RTL4: variants seen among roughly 807,000 people sequenced by gnomAD.
RTL4 encodes retrotransposon Gag-like protein 4.
A neutral mutation model predicts 5.3 loss-of-function variants in RTL4; 4 were observed. That is an observed-to-expected ratio of 0.75 (90% CI 0.37 to 1.72). RTL4 has a LOEUF of 1.72. RTL4 is among the 40% of genes most tolerant of loss of function. The pLI, the probability that RTL4 is intolerant of heterozygous loss-of-function variation, is 0.04. For synonymous variants in RTL4, 98 were observed against 87.3 expected (o/e 1.12, Z -0.68); for missense variants, 260 against 227.1 (o/e 1.14, Z -0.93).
chrX:112,227,376 G>A, the RTL4 span, among the ~76,000 whole-genome samples: 2 of 111,617 alleles, frequency 1.8e-5, no homozygotes, highest in African/African-American at 6.5e-5. Context: ...ATGGCAGCCA[G>A]CCTCAATGGG....
chrX:112,112,741 G>A, the RTL4 span, among the ~76,000 whole-genome samples: 1 of 111,834 alleles, frequency 8.9e-6, no homozygotes, highest in Non-Finnish European at 1.9e-5. Flanking sequence ...TCTTGGGCCA[G>A]TGCCTGACCA....
the RTL4 span, among the ~76,000 whole-genome samples, chrX:112,222,316 C>A: frequency 9.0e-6 from 1 of 111,382 alleles, no homozygotes; most frequent in Non-Finnish European, 1.9e-5. Context: ...GATATACATT[C>A]TAAAGTCTGG....
chrX:112,455,534 C>A (rs943591471), exon 1 of RTL4: 14 of 1,211,454 alleles, frequency 1.2e-5, no homozygotes, highest in Non-Finnish European at 1.5e-5. Context: ...CTCACCCCAG[C>A]CAAACGAGCC....
chrX:112,156,495 A>T, the RTL4 span, among the ~76,000 whole-genome samples: 1 of 112,160 alleles, frequency 8.9e-6, no homozygotes, highest in African/African-American at 3.2e-5. Flanking sequence ...AAACACAGGA[A>T]ACTGAAAGCA....
the RTL4 span, among the ~76,000 whole-genome samples, chrX:112,348,360 CTTAAT>C: frequency 9.5e-6 from 1 of 104,925 alleles, no homozygotes; most frequent in East Asian, 2.9e-4. Context: ...AAGGAATAAT[CTTAAT>C]TTGTGTTTTT....
chrX:112,341,038 C>T, the RTL4 span, among the ~76,000 whole-genome samples: 1 of 110,756 alleles, frequency 9.0e-6, no homozygotes, highest in Non-Finnish European at 1.9e-5. Flanking sequence ...ATTTTGAACA[C>T]GACTAATTAA....
At chrX:112,437,572 A>T in the RTL4 span, among the ~76,000 whole-genome samples, 1 of 111,269 alleles carries the variant, frequency 9.0e-6, no homozygotes, top group Non-Finnish European at 1.9e-5. Context: ...TAATAAAAAT[A>T]GTTTAAAAAA....
the RTL4 span, among the ~76,000 whole-genome samples, chrX:112,180,922 G>C: frequency 1.8e-5 from 2 of 112,226 alleles, no homozygotes; most frequent in African/African-American, 6.5e-5. Flanking sequence ...CCAGTCTGCA[G>C]CTCCCAGTGA....
the RTL4 span, among the ~76,000 whole-genome samples, chrX:112,099,071 A>T: frequency 2.7e-5 from 3 of 112,389 alleles, no homozygotes; most frequent in South Asian, 1.1e-3. Context: ...GCACAGCAAA[A>T]GAAACCACCA....
At chrX:112,407,152 C>T in the RTL4 span, among the ~76,000 whole-genome samples, 1 of 110,346 alleles carries the variant, frequency 9.1e-6, no homozygotes, top group Non-Finnish European at 1.9e-5. Flanking sequence ...TGTCTTATAC[C>T]TAAGGAACCA....
At chrX:112,180,396 A>G in the RTL4 span, among the ~76,000 whole-genome samples, 1 of 112,020 alleles carries the variant, frequency 8.9e-6, no homozygotes, top group Non-Finnish European at 1.9e-5. Flanking sequence ...AGGAGCAACT[A>G]GAACTGAAAA....
chrX:112,261,578 G>A, the RTL4 span, among the ~76,000 whole-genome samples: 1 of 111,698 alleles, frequency 9.0e-6, no homozygotes, highest in African/African-American at 3.3e-5. Flanking sequence ...CCATGCTCAT[G>A]GATAGGAAGA....
At chrX:112,229,482 T>C in the RTL4 span, among the ~76,000 whole-genome samples, 1 of 111,756 alleles carries the variant, frequency 8.9e-6, no homozygotes. Context: ...GTCAAAACTT[T>C]CATTGTAACA....
At chrX:112,083,138 T>C in the RTL4 span, among the ~76,000 whole-genome samples, 56 of 111,148 alleles carry the variant, frequency 5.0e-4, no homozygotes, top group African/African-American at 1.7e-3. Context: ...TTCTGTCTCG[T>C]TTGTTTGCTT....
chrX:112,346,845 T>C, the RTL4 span, among the ~76,000 whole-genome samples: 1 of 111,498 alleles, frequency 9.0e-6, no homozygotes, highest in South Asian at 3.7e-4. Context: ...ACAAGGGAGT[T>C]GCTACTAGTA....
chrX:112,158,691 A>G, the RTL4 span, among the ~76,000 whole-genome samples: 1 of 111,263 alleles, frequency 9.0e-6, no homozygotes, highest in East Asian at 2.8e-4. Flanking sequence ...TCTCAACCTA[A>G]GAAGATATAA....
the RTL4 span, among the ~76,000 whole-genome samples, chrX:112,213,552 T>C: frequency 8.9e-6 from 1 of 112,558 alleles, no homozygotes; most frequent in Non-Finnish European, 1.9e-5. Flanking sequence ...ATTTGTACCA[T>C]TGAGTGTTTT....
chrX:112,265,547 C>T, the RTL4 span, among the ~76,000 whole-genome samples: 1 of 112,215 alleles, frequency 8.9e-6, no homozygotes, highest in Non-Finnish European at 1.9e-5. Flanking sequence ...AGGCTGCAAC[C>T]AGCTCATGAT....
At chrX:112,382,306 A>G in the RTL4 span, 1 of 624,235 alleles carries the variant, frequency 1.6e-6, no homozygotes, top group East Asian at 3.3e-5. Flanking sequence ...AGGCTTTTGG[A>G]TTCCAGATTG....
Sources: allele counts gnomAD v4.1 joint callset (sites outside exome capture counted in the v4.1 genomes callset), GRCh38; gene constraint gnomAD v4.1.1; transcripts MANE v1.5; gene names NCBI Gene and HGNC (gene_info 2026-07-23, HGNC 2026-07-21).